Variants in ZFPM2 observed in about 807,000 individuals in gnomAD.
The protein encoded by ZFPM2 is zinc finger protein, FOG family member 2.
In ZFPM2, 20 loss-of-function variants were observed where a neutral mutation model predicts 98.6. The ratio of observed to expected loss-of-function variants is 0.20; its 90% CI spans 0.14 to 0.29. The LOEUF is 0.29. Among genes scored for constraint, ZFPM2 ranks in the 10% least tolerant of loss-of-function variants. The pLI, the probability that ZFPM2 is intolerant of heterozygous loss-of-function variation, is 1.00. For missense variants in ZFPM2, 1,310 were observed against 1,388.6 expected, an observed-to-expected ratio of 0.94 and a Z score of 0.90; for synonymous variants, 518 against 502.7, an observed-to-expected ratio of 1.03 and a Z score of -0.41.
At chr8:105,714,365 G>T (rs1811470675) in intron 5 of ZFPM2, among the ~76,000 whole-genome samples, 1 of 152,022 alleles carries the variant, frequency 6.6e-6, no homozygotes, top group East Asian at 1.9e-4. Context: ...GAACCTTTTG[G>T]CAGAGTCTTT....
intron 1 of ZFPM2, among the ~76,000 whole-genome samples, chr8:105,416,124 TAA>T (rs968528245): frequency 2.0e-5 from 3 of 151,858 alleles, no homozygotes; most frequent in African/African-American, 7.2e-5. Context: ...CCTTGATAAA[TAA>T]AAGATTATGT....
intron 5 of ZFPM2, among the ~76,000 whole-genome samples, chr8:105,704,775 A>G (rs1434641005): frequency 6.6e-6 from 1 of 152,214 alleles, no homozygotes; most frequent in Non-Finnish European, 1.5e-5. Context: ...AGTGGACTAC[A>G]GTTCAACTCC....
At chr8:105,555,644 G>A (rs1213508062) in intron 3 of ZFPM2, among the ~76,000 whole-genome samples, 1 of 152,076 alleles carries the variant, frequency 6.6e-6, no homozygotes, top group Non-Finnish European at 1.5e-5. Context: ...TTCTGTTGAG[G>A]TGAACTACAT....
chr8:105,355,181 A>G (rs1812717887), intron 1 of ZFPM2, among the ~76,000 whole-genome samples: 1 of 152,176 alleles, frequency 6.6e-6, no homozygotes. Context: ...TTGCATTCCT[A>G]CTATGCTTTT....
chr8:105,774,817 C>A (rs1291414019), intron 5 of ZFPM2, among the ~76,000 whole-genome samples: 2 of 152,024 alleles, frequency 1.3e-5, no homozygotes, highest in Admixed American at 1.3e-4. Context: ...AGAATTTCTT[C>A]TAAGAAAAGA....
chr8:105,518,505 A>C (rs1246514092), intron 3 of ZFPM2, among the ~76,000 whole-genome samples: 1 of 152,234 alleles, frequency 6.6e-6, no homozygotes, highest in African/African-American at 2.4e-5. Flanking sequence ...CATGCATGAA[A>C]AATTGAGAAT....
At chr8:105,534,976 A>G (rs1393191575) in intron 3 of ZFPM2, among the ~76,000 whole-genome samples, 1 of 152,180 alleles carries the variant, frequency 6.6e-6, no homozygotes, top group East Asian at 1.9e-4. Context: ...CATTGAGACC[A>G]TAAGATGGCA....
chr8:105,802,147 T>C lies in ZFPM2; in HGVS notation c.2065T>C (p.Cys689Arg). 1 of 1,613,916 alleles carries C rather than the reference T, an allele frequency of 6.2e-7. No individual in the cohort carries two copies. The highest frequency in any genetic ancestry group is 8.5e-7 in the Non-Finnish European group (1 of 1,179,864). The change falls in exon 8 of 8, where the codon TGT becomes CGT. Residue 689 changes from cysteine (C) to arginine (R), a missense_variant. Transcript: ENST00000407775. ...GGAAAGTGACCCAAATAAGACTACC[T>C]GTGAAGCTTGCAACATTACCTTCAG... Reference protein sequence around the residue: ...DGESDPNKTTCEACNITFSRH... With the variant: ...DGESDPNKTTREACNITFSRH...
At chr8:105,430,900 A>G (rs1182891321) in intron 2 of ZFPM2, among the ~76,000 whole-genome samples, 2 of 138,176 alleles carry the variant, frequency 1.4e-5, no homozygotes, top group African/African-American at 5.5e-5. Flanking sequence ...ATTGTCCACA[A>G]CTTTTTTTTT....
chr8:105,682,935 TG>T (rs1375541908), intron 5 of ZFPM2, among the ~76,000 whole-genome samples: 1 of 152,114 alleles, frequency 6.6e-6, no homozygotes, highest in Non-Finnish European at 1.5e-5. Flanking sequence ...CACAGACTGT[TG>T]GTTATAAACA....
intron 1 of ZFPM2, among the ~76,000 whole-genome samples, chr8:105,353,338 G>A (rs938313637): frequency 1.3e-5 from 2 of 152,004 alleles, no homozygotes; most frequent in African/African-American, 4.8e-5. Context: ...CCCCATATAC[G>A]ATAGTGCCTC....
rs1813910647 is a variant in ZFPM2, at chr8:105,798,811, G to A, written c.827G>A (p.Arg276Lys). The A allele has an allele frequency of 2.5e-6, 4 of 1,613,938 alleles. No homozygotes were observed. The East Asian group carries it at 8.9e-5, about 36-fold the overall frequency. The change falls in exon 7 of 8, where the codon AGG becomes AAG. Residue 276 changes from arginine to lysine, a missense_variant. Transcript: ENST00000407775. Reference sequence around the variant, plus strand: ...CATTTGATGTACTACTGCAGTGGGAGGCAAAGAGAAGCTGCTCCGGTGTCA... The same window carrying A: ...CATTTGATGTACTACTGCAGTGGGAAGCAAAGAGAAGCTGCTCCGGTGTCA... ...QAHLMYYCSGRQREAAPVSEE... is the reference protein window; with the variant it reads ...QAHLMYYCSGKQREAAPVSEE...
At chr8:105,728,563 G>A (rs1230292825) in intron 5 of ZFPM2, among the ~76,000 whole-genome samples, 1 of 151,658 alleles carries the variant, frequency 6.6e-6, no homozygotes, top group African/African-American at 2.4e-5. Context: ...TGGTCAAAGC[G>A]AATACCCTGG....
intron 5 of ZFPM2, among the ~76,000 whole-genome samples, chr8:105,710,407 C>T (rs1290718659): frequency 6.6e-6 from 1 of 151,900 alleles, no homozygotes; most frequent in Non-Finnish European, 1.5e-5. Flanking sequence ...ATCACTTCTG[C>T]CTAGATTTCA....
chr8:105,594,169 C>G (rs1324725444), intron 4 of ZFPM2, among the ~76,000 whole-genome samples: 1 of 152,080 alleles, frequency 6.6e-6, no homozygotes, highest in African/African-American at 2.4e-5. Context: ...CCTTTTAAAT[C>G]AGCCTGTCTC....
intron 3 of ZFPM2, among the ~76,000 whole-genome samples, chr8:105,535,067 G>C (rs955072225): frequency 6.6e-6 from 1 of 152,104 alleles, no homozygotes; most frequent in Non-Finnish European, 1.5e-5. Context: ...ATAAGGTCCT[G>C]AATCAAACAT....
chr8:105,573,535 T>G (rs1314258326), intron 4 of ZFPM2, among the ~76,000 whole-genome samples: 10 of 152,192 alleles, frequency 6.6e-5, no homozygotes, highest in Non-Finnish European at 1.5e-4. Context: ...AATCAAAGAT[T>G]AATAAGTAAA....
chr8:105,582,654 C>T (rs1432739555), intron 4 of ZFPM2, among the ~76,000 whole-genome samples: 4 of 152,100 alleles, frequency 2.6e-5, no homozygotes, highest in East Asian at 3.9e-4. Context: ...AGTGCAGCAG[C>T]GCAATCTCCA....
chr8:105,386,591 A>G (rs1481618431), intron 1 of ZFPM2, among the ~76,000 whole-genome samples: 1 of 152,142 alleles, frequency 6.6e-6, no homozygotes, highest in Non-Finnish European at 1.5e-5. Context: ...GTTACAGCTC[A>G]TAAAGACAGT....
Sources: allele counts gnomAD v4.1 joint callset (sites outside exome capture counted in the v4.1 genomes callset), GRCh38; gene constraint gnomAD v4.1.1; transcripts MANE v1.5; gene names NCBI Gene and HGNC (gene_info 2026-07-23, HGNC 2026-07-21).